CNOT2: variants seen among roughly 807,000 people sequenced by gnomAD.
CNOT2 encodes the protein CCR4-NOT transcription complex subunit 2, also known as CC chemokine receptor 4-negative regulator of transcription 2.
Under a neutral mutation model 72.1 loss-of-function variants are expected in CNOT2, and 7 were observed. The observed-to-expected ratio is 0.10, with a 90% CI of 0.06 to 0.18. The LOEUF (loss-of-function observed/expected upper bound fraction) is 0.18. CNOT2 is among the 10% of genes least tolerant of loss of function. CNOT2 has a pLI of 1.00. For synonymous variants in CNOT2, 196 were observed against 225.6 expected (o/e 0.87, Z 1.17); for missense variants, 345 against 660.3 (o/e 0.52, Z 5.23).
chr12:70,251,617 T>G (rs1447118769), intron 1 of CNOT2, among the ~76,000 whole-genome samples: 1 of 152,234 alleles, frequency 6.6e-6, no homozygotes, highest in East Asian at 1.9e-4. Context: ...ACAGTCGATT[T>G]ACAATTAAAA....
intron 1 of CNOT2, among the ~76,000 whole-genome samples, chr12:70,261,818 G>A (rs1181357547): frequency 6.6e-6 from 1 of 151,564 alleles, no homozygotes; most frequent in Admixed American, 6.6e-5. Context: ...CACCAGTGAA[G>A]CTGCCTGGGC....
At chr12:70,278,675 A>G (rs147485782) in intron 2 of CNOT2, among the ~76,000 whole-genome samples, 2 of 152,224 alleles carry the variant, frequency 1.3e-5, no homozygotes, top group African/African-American at 4.8e-5. Flanking sequence ...ACAGAAATGT[A>G]GACAAAATTG....
chr12:70,293,483 C>T (rs1230155999), intron 2 of CNOT2, among the ~76,000 whole-genome samples: 1 of 152,092 alleles, frequency 6.6e-6, no homozygotes, highest in Admixed American at 6.6e-5. Context: ...TATTTAAATC[C>T]TATATTCAGA....
chr12:70,352,534 A>C (rs560509517), intron 15 of CNOT2, among the ~76,000 whole-genome samples: 38 of 152,330 alleles, frequency 2.5e-4, no homozygotes, highest in African/African-American at 8.7e-4. Flanking sequence ...GGAAATACTC[A>C]TCATGGAATC....
At chr12:70,251,219 T>C (rs566846737) in intron 1 of CNOT2, among the ~76,000 whole-genome samples, 1 of 152,276 alleles carries the variant, frequency 6.6e-6, no homozygotes, top group South Asian at 2.1e-4. Flanking sequence ...ATTCCTCAAG[T>C]TAAATTTTTG....
chr12:70,284,642 T>G (rs12308936), intron 2 of CNOT2, among the ~76,000 whole-genome samples: 1 of 150,646 alleles, frequency 6.6e-6, no homozygotes, highest in African/African-American at 2.5e-5. Flanking sequence ...CAACCAGTAA[T>G]GTCAAATCAA....
chr12:70,327,777 C>G (rs982759543), intron 4 of CNOT2: 2 of 151,564 alleles, frequency 1.3e-5, no homozygotes, highest in Non-Finnish European at 2.9e-5. Context: ...ATGCGTGTTA[C>G]ATAGTAGGCA....
intron 1 of CNOT2, among the ~76,000 whole-genome samples, chr12:70,265,293 C>CTCTTT (rs1958976725): frequency 7.0e-6 from 1 of 142,930 alleles, no homozygotes; most frequent in Admixed American, 7.5e-5. Flanking sequence ...CTCTTCTCTT[C>CTCTTT]TCTTCTCTTC....
chr12:70,313,826 T>C (rs1593208234), intron 3 of CNOT2, among the ~76,000 whole-genome samples: 3 of 152,142 alleles, frequency 2.0e-5, no homozygotes, highest in Admixed American at 2.0e-4. Context: ...CACCCCTGGG[T>C]TAGATCATTA....
At chr12:70,281,409 A>G (rs1458781267) in intron 2 of CNOT2, among the ~76,000 whole-genome samples, 11 of 152,208 alleles carry the variant, frequency 7.2e-5, no homozygotes, top group Non-Finnish European at 1.5e-4. Context: ...TACATAACAT[A>G]TTCAAGCTTC....
chr12:70,330,269 A>C lies in CNOT2; in HGVS notation c.387-18A>C, dbSNP rs200806089. 8 of 1,388,472 alleles carry C rather than the reference A, an allele frequency of 5.8e-6. No homozygotes were observed. Among genetic ancestry groups the C allele is most frequent in the Non-Finnish European group, 8.1e-6 (8 of 984,896 alleles). 86.0% of individuals were successfully genotyped at this position (1,388,472 alleles called of 1,614,324 possible). On this transcript the variant is annotated intron_variant, in intron 5 of 15. Coordinates refer to ENST00000229195, the MANE Select transcript of CNOT2 (RefSeq NM_014515.7). Reference sequence around the variant, plus strand: ...TGATTGTAGAGAGCTTATTTAGTATAATGGACTTCTTTTTCAGGGGTATTT... The same window carrying C: ...TGATTGTAGAGAGCTTATTTAGTATCATGGACTTCTTTTTCAGGGGTATTT...
intron 2 of CNOT2, 94 bp downstream of exon 2, chr12:70,278,368 G>A: frequency 1.1e-6 from 1 of 871,212 alleles, no homozygotes; most frequent in Non-Finnish European, 1.8e-6. Context: ...CAGCAAATTG[G>A]TTACACCTCA....
intron 3 of CNOT2, among the ~76,000 whole-genome samples, chr12:70,317,480 C>T (rs1459890683): frequency 6.6e-6 from 1 of 151,746 alleles, no homozygotes; most frequent in Non-Finnish European, 1.5e-5. Flanking sequence ...AAGAACTTAT[C>T]AGGCATCTTT....
chr12:70,283,647 T>TAAAA (rs34501610), intron 2 of CNOT2, among the ~76,000 whole-genome samples: 3 of 122,908 alleles, frequency 2.4e-5, no homozygotes, highest in Non-Finnish European at 5.1e-5. Context: ...AGAATGAGTT[T>TAAAA]AAAAAAAAAA....
intron 9 of CNOT2, 174 bp from the exon 10 acceptor site, chr12:70,338,269 T>C: frequency 1.9e-6 from 1 of 526,288 alleles, no homozygotes; most frequent in Non-Finnish European, 3.3e-6. Flanking sequence ...ATAGGATTTA[T>C]TTGTATACCA....
intron 4 of CNOT2, chr12:70,327,588 G>A (rs535830579): frequency 1.3e-5 from 2 of 151,720 alleles, no homozygotes; most frequent in East Asian, 2.0e-4. Flanking sequence ...GATCCCTTCC[G>A]GCTCTAAAAT....
At chr12:70,259,707 G>T (rs1244422144) in intron 1 of CNOT2, among the ~76,000 whole-genome samples, 1 of 152,052 alleles carries the variant, frequency 6.6e-6, no homozygotes, top group Non-Finnish European at 1.5e-5. Flanking sequence ...TGTTTTGTTG[G>T]CTAGTACTCT....
chr12:70,278,540 AGTT>A (rs1404605375), intron 2 of CNOT2: 1 of 392,212 alleles, frequency 2.5e-6, no homozygotes, highest in Non-Finnish European at 4.6e-6. Flanking sequence ...TTGATATACA[AGTT>A]ATGACTTCAT....
intron 4 of CNOT2, among the ~76,000 whole-genome samples, chr12:70,325,329 G>A (rs909833435): frequency 1.3e-5 from 2 of 151,832 alleles, no homozygotes; most frequent in African/African-American, 4.8e-5. Context: ...AACACCTGGG[G>A]AATTTTTAAA....
Sources: gnomAD v4.1 joint callset for allele counts (sites outside exome capture counted in the v4.1 genomes callset) on GRCh38, gnomAD v4.1.1 for gene constraint, MANE v1.5 for transcripts, NCBI Gene and HGNC (gene_info 2026-07-23, HGNC 2026-07-21) for gene names.